GDPD5: variants seen among roughly 807,000 people sequenced by gnomAD.
GDPD5 encodes glycerophosphodiester phosphodiesterase domain containing 5, also known as glycerophosphodiester phosphodiesterase 2.
Under a neutral mutation model 75.1 loss-of-function variants are expected in GDPD5, and 48 were observed. The ratio of observed to expected loss-of-function variants is 0.64; its 90% CI spans 0.51 to 0.81. GDPD5 has a LOEUF of 0.81. Ranked by LOEUF, GDPD5 falls within the 40% of genes least tolerant of loss-of-function variation. GDPD5 has a pLI of 0.00. For missense variants in GDPD5, 706 were observed against 822.6 expected (o/e 0.86, Z 1.73); for synonymous variants, 336 against 339.0 (o/e 0.99, Z 0.10).
rs1167354624 is a variant in GDPD5, at chr11:75,441,269, A to T, written c.1367T>A (p.Val456Asp). ...CAGGGAGAAGAGCCACGGTGCGTTG[A>T]CTGTGTAGAGGTTCACACTCAGGTT... ...SWNLSVNLYT[V>D]NAPWLFSLLW... The change falls in exon 14 of 17, where the codon GTC (valine) becomes GAC (aspartate). Residue 456 changes from valine to aspartate, a missense_variant. Val to Asp is a radical substitution (Grantham distance 152). Transcript: ENST00000336898. 1.2e-6 allele frequency: 2 copies of T among 1,614,106 alleles called. No homozygotes were observed. The highest frequency in any genetic ancestry group is 1.7e-5 in the Admixed American group (1 of 60,026).
intron 3 of GDPD5, among the ~76,000 whole-genome samples, chr11:75,471,547 C>T (rs998909010): frequency 3.9e-5 from 6 of 152,176 alleles, no homozygotes; most frequent in African/African-American, 1.2e-4. Flanking sequence ...GGCATCAGCC[C>T]CTTGGGGAGA....
chr11:75,511,346 G>A (rs113241149), intron 1 of GDPD5, among the ~76,000 whole-genome samples: 22 of 150,740 alleles, frequency 1.5e-4, no homozygotes, highest in Non-Finnish European at 2.4e-4. Context: ...TTCTCAAGAC[G>A]GTGTGTCCAG....
At chr11:75,471,166 G>A (rs975456206) in intron 3 of GDPD5, among the ~76,000 whole-genome samples, 1 of 152,232 alleles carries the variant, frequency 6.6e-6, no homozygotes, top group Admixed American at 6.5e-5. Context: ...GGGGACTGAT[G>A]CACGGGAAAG....
intron 15 of GDPD5, chr11:75,437,269 G>C: frequency 1.8e-6 from 1 of 552,152 alleles, no homozygotes; most frequent in Non-Finnish European, 3.2e-6. Flanking sequence ...CTTACCTCCA[G>C]AGCCGCCAGT....
At chr11:75,459,255 T>C (rs1217942451) in intron 4 of GDPD5, among the ~76,000 whole-genome samples, 1 of 152,230 alleles carries the variant, frequency 6.6e-6, no homozygotes, top group Non-Finnish European at 1.5e-5. Context: ...ATGAAATTTT[T>C]ATACATATCT....
chr11:75,499,296 G>C (rs1387121204), intron 1 of GDPD5, among the ~76,000 whole-genome samples: 1 of 151,674 alleles, frequency 6.6e-6, no homozygotes, highest in Non-Finnish European at 1.5e-5. Flanking sequence ...TTTGTCCACA[G>C]CCATCATCAT....
intron 1 of GDPD5, among the ~76,000 whole-genome samples, chr11:75,519,634 G>A (rs1950713930): frequency 6.6e-6 from 1 of 152,174 alleles, no homozygotes; most frequent in Admixed American, 6.5e-5. Context: ...TGAAGATGCT[G>A]TAATTATCCC....
chr11:75,501,642 G>T (rs376664584), intron 1 of GDPD5, among the ~76,000 whole-genome samples: 6 of 152,220 alleles, frequency 3.9e-5, no homozygotes, highest in African/African-American at 1.4e-4. Context: ...GAACAGTCTG[G>T]CCTGTTCCAT....
intron 1 of GDPD5, among the ~76,000 whole-genome samples, chr11:75,523,041 T>C (rs1338012904): frequency 6.6e-6 from 1 of 152,186 alleles, no homozygotes; most frequent in African/African-American, 2.4e-5. Context: ...TGCGTTCTAA[T>C]CGAAGACAAG....
chr11:75,500,527 C>T (rs1950287379), intron 1 of GDPD5, among the ~76,000 whole-genome samples: 1 of 152,156 alleles, frequency 6.6e-6, no homozygotes, highest in African/African-American at 2.4e-5. Flanking sequence ...CTGAATGCTG[C>T]TGCTCTCAAT....
chr11:75,460,450 G>T (rs147441428), intron 4 of GDPD5, among the ~76,000 whole-genome samples: 1 of 152,164 alleles, frequency 6.6e-6, no homozygotes, highest in East Asian at 1.9e-4. Context: ...TGCATCCTCA[G>T]AAAGACCTGA....
Position 75,435,558 on chromosome 11 carries a change from G to A in GDPD5, c.1767C>T (p.Pro589=). 6.2e-7 allele frequency: 1 copy of A among 1,613,194 alleles called. No individual in the cohort carries two copies. The highest frequency in any genetic ancestry group is 8.5e-7 in the Non-Finnish European group (1 of 1,179,684). ...TCTTGGTGTGGCTGCCACCCCCTCG[G>A]GGGCCCACAGGGGTGGCGGTGCTGT... ...YANSTATPVG[P]RGGGSHTKTL... Residue 589 remains proline (P), a synonymous_variant, in exon 17 of 17, where the codon CCC becomes CCT. Transcript: ENST00000336898.
intron 3 of GDPD5, among the ~76,000 whole-genome samples, chr11:75,469,319 T>C (rs1246718834): frequency 1.3e-5 from 2 of 152,040 alleles, no homozygotes; most frequent in African/African-American, 4.8e-5. Context: ...GCATTGGGGG[T>C]GGGTGGGGAT....
Position 75,441,323 on chromosome 11 carries a change from G to C in GDPD5, c.1326-13C>G. The C allele has an allele frequency of 6.2e-7, 1 of 1,614,068 alleles. No individual in the cohort carries two copies. Among genetic ancestry groups the C allele is most frequent in the South Asian group, 1.1e-5 (1 of 91,082 alleles). ...GGACGCGTAGTCCCTGTGGGGCAGG[G>C]GAGAGGCAGGTCAGCATGCGGACCC... On this transcript the variant is annotated splice_polypyrimidine_tract_variant and intron_variant, in intron 13 of 16. Coordinates refer to ENST00000336898, the MANE Select transcript of GDPD5 (RefSeq NM_030792.8).
intron 1 of GDPD5, among the ~76,000 whole-genome samples, chr11:75,519,269 G>T (rs1472163093): frequency 6.6e-6 from 1 of 152,094 alleles, no homozygotes; most frequent in Non-Finnish European, 1.5e-5. Flanking sequence ...TCTCACAGAG[G>T]TCCAAAGTCA....
intron 1 of GDPD5, among the ~76,000 whole-genome samples, chr11:75,516,362 C>T (rs144978371): frequency 1.6e-3 from 242 of 152,360 alleles, no homozygotes; most frequent in African/African-American, 5.6e-3. Flanking sequence ...ATTTGTCACA[C>T]GCCTAATGCC....
chr11:75,454,064 G>C lies in GDPD5; in HGVS notation c.375+2693C>G, dbSNP rs1237631404. On this transcript the variant is annotated intron_variant, in intron 6 of 16. Transcript: ENST00000336898. ...AAATATATATCCCCATGGTAAAAACGCAATGAGCAAAGTCCAAGGATGAAT... is the reference window on the plus strand; with the variant it reads ...AAATATATATCCCCATGGTAAAAACCCAATGAGCAAAGTCCAAGGATGAAT... Among the ~76,000 whole-genome samples the C allele has an allele frequency of 3.3e-5, 5 of 152,112 alleles. No individual in the cohort carries two copies. The South Asian group carries it at 1.0e-3, about 32-fold the overall frequency.
At chr11:75,493,187 C>T (rs994300150) in intron 1 of GDPD5, among the ~76,000 whole-genome samples, 4 of 151,206 alleles carry the variant, frequency 2.6e-5, no homozygotes, top group Non-Finnish European at 5.9e-5. Context: ...AAGACCCACC[C>T]CCCGAACACC....
chr11:75,458,416 G>A (rs1216791229), intron 4 of GDPD5, among the ~76,000 whole-genome samples: 1 of 152,208 alleles, frequency 6.6e-6, no homozygotes, highest in East Asian at 1.9e-4. Context: ...GCTCACGCCT[G>A]TAATCCCAGC....
Sources: allele counts gnomAD v4.1 joint callset (sites outside exome capture counted in the v4.1 genomes callset), GRCh38; gene constraint gnomAD v4.1.1; transcripts MANE v1.5; gene names NCBI Gene and HGNC (gene_info 2026-07-23, HGNC 2026-07-21).